LPP: variants seen among roughly 807,000 people sequenced by gnomAD.
The protein encoded by LPP is LIM domain containing preferred translocation partner in lipoma, also known as lipoma-preferred partner.
In LPP, 38 loss-of-function variants were observed where a neutral mutation model predicts 60.4. That is an observed-to-expected ratio of 0.63 (90% CI 0.49 to 0.83). The LOEUF is 0.83. Among genes scored for constraint, LPP ranks in the 40% least tolerant of loss-of-function variants. LPP has a pLI of 0.00. For missense variants in LPP, 902 were observed against 783.6 expected (o/e 1.15, Z -1.80); for synonymous variants, 328 against 290.8 (o/e 1.13, Z -1.30).
intron 7 of LPP, among the ~76,000 whole-genome samples, chr3:188,679,869 T>C (rs1272016674): frequency 6.6e-6 from 1 of 152,194 alleles, no homozygotes; most frequent in Non-Finnish European, 1.5e-5. Context: ...TGAAACTCAG[T>C]AATTTTTTCC....
chr3:188,495,064 T>TTTATATATATATATATATATATATATA (rs1430620373), intron 5 of LPP, among the ~76,000 whole-genome samples: 1 of 53,880 alleles, frequency 1.9e-5, no homozygotes, highest in African/African-American at 7.0e-5. Flanking sequence ...GTTCAGGATT[T>TTTATATATATATATATATATATATATA]TATATATATA....
chr3:188,809,480 C>G (rs1368851701), intron 9 of LPP, among the ~76,000 whole-genome samples: 1 of 152,070 alleles, frequency 6.6e-6, no homozygotes, highest in African/African-American at 2.4e-5. Context: ...TAAATGTCTT[C>G]TTTTGAGAAG....
intron 7 of LPP, among the ~76,000 whole-genome samples, chr3:188,703,879 T>C (rs1322557364): frequency 1.3e-5 from 2 of 152,190 alleles, no homozygotes; most frequent in African/African-American, 4.8e-5. Context: ...CTTAGATTTA[T>C]AAAGGACAGG....
At chr3:188,307,892 G>A (rs1752052645) in intron 2 of LPP, among the ~76,000 whole-genome samples, 1 of 152,112 alleles carries the variant, frequency 6.6e-6, no homozygotes, top group African/African-American at 2.4e-5. Context: ...GGCATTTTTG[G>A]TCACCTGCAC....
intron 1 of LPP, among the ~76,000 whole-genome samples, chr3:188,163,355 A>G (rs1467583881): frequency 1.3e-5 from 2 of 152,086 alleles, no homozygotes; most frequent in African/African-American, 2.4e-5. Flanking sequence ...GGATGCTTTG[A>G]CCTGCCTCCA....
At chr3:188,250,788 GTCTTTC>G (rs1229511980) in intron 2 of LPP, among the ~76,000 whole-genome samples, 4 of 48,072 alleles carry the variant, frequency 8.3e-5, no homozygotes, top group African/African-American at 2.8e-4. Context: ...CTTTCTTTCT[GTCTTTC>G]TCTTTCTTTC....
At chr3:188,540,834 T>A (rs1005281598) in intron 6 of LPP, among the ~76,000 whole-genome samples, 3 of 152,232 alleles carry the variant, frequency 2.0e-5, no homozygotes, top group African/African-American at 7.2e-5. Context: ...CCCATCCAAC[T>A]CTCTGAAATA....
rs140807613 is a variant in LPP at position 188,246,216 on chromosome 3, T to A, written c.-67+20689T>A. Among the ~76,000 whole-genome samples, 479 of 152,174 alleles carry A rather than the reference T, an allele frequency of 3.1e-3. 6 individuals are homozygous for A. Among genetic ancestry groups the A allele is most frequent in the East Asian group, 5.8e-3 (30 of 5,188 alleles). ...TTTTTTTTCTTTCATTAACATTAAA[T>A]CTCTGGTACCTGAGAACATTGGGAT... On this transcript the variant is annotated intron_variant, in intron 2 of 11. Transcript: ENST00000617246.
intron 3 of LPP, among the ~76,000 whole-genome samples, chr3:188,377,988 C>G (rs1775691072): frequency 6.6e-6 from 1 of 152,168 alleles, no homozygotes. Context: ...CCCTGTTTGT[C>G]TAAGTATCAG....
chr3:188,161,187 AT>A (rs1027481965), intron 1 of LPP, among the ~76,000 whole-genome samples: 6 of 152,164 alleles, frequency 3.9e-5, no homozygotes, highest in African/African-American at 1.4e-4. Flanking sequence ...TTATTATTAT[AT>A]TTTGAGCAAA....
chr3:188,495,064 T>TTATATATATATATATATATATATATA (rs1192152538), intron 5 of LPP, among the ~76,000 whole-genome samples: 1,025 of 53,624 alleles, frequency 0.019, 52 homozygotes, highest in East Asian at 0.032. Context: ...GTTCAGGATT[T>TTATATATATATATATATATATATATA]TATATATATA....
At chr3:188,191,790 C>T (rs756459945) in intron 1 of LPP, among the ~76,000 whole-genome samples, 6 of 152,166 alleles carry the variant, frequency 3.9e-5, no homozygotes, top group Admixed American at 6.5e-5. Context: ...CAAGGAGCAT[C>T]TTTTCCAGCA....
chr3:188,653,986 T>A (rs930916635), intron 7 of LPP, among the ~76,000 whole-genome samples: 4 of 152,204 alleles, frequency 2.6e-5, no homozygotes, highest in Non-Finnish European at 5.9e-5. Context: ...CATGCCAGCA[T>A]CCCTTGTCCG....
rs1336476244 is a variant in LPP at position 188,209,969 on chromosome 3, C to T, written c.-189-15436C>T. On this transcript the variant is annotated intron_variant, in intron 1 of 11. Transcript: ENST00000617246. ...GTGGTCAGGAGAACAACCAGAGTGA[C>T]TGTGGGATGAGGTCTTGGATAGCTT... 3.3e-5 allele frequency among the ~76,000 whole-genome samples: 5 copies of T among 151,900 alleles called. No individual in the cohort carries two copies. In the South Asian group the frequency reaches 6.2e-4, roughly 19 times the overall value.
At chr3:188,833,731 C>T (rs1423542026) in intron 9 of LPP, among the ~76,000 whole-genome samples, 1 of 152,032 alleles carries the variant, frequency 6.6e-6, no homozygotes. Flanking sequence ...TCCCTACAAC[C>T]ACGAACCACC....
intron 2 of LPP, among the ~76,000 whole-genome samples, chr3:188,244,581 T>A (rs1393247864): frequency 1.3e-5 from 2 of 152,212 alleles, no homozygotes; most frequent in African/African-American, 2.4e-5. Context: ...GTCAGAATAC[T>A]CCCTAGGGAC....
At chr3:188,250,766 CTTTCTTTCTTTCTTTCTTTCTG>C (rs1728978852) in intron 2 of LPP, among the ~76,000 whole-genome samples, 1 of 121,828 alleles carries the variant, frequency 8.2e-6, no homozygotes, top group African/African-American at 3.4e-5. Context: ...TTCTTTCTTT[CTTTCTTTCTTTCTTTCTTTCTG>C]TCTTTCTCTT....
intron 4 of LPP, among the ~76,000 whole-genome samples, chr3:188,439,333 C>T (rs530446500): frequency 2.6e-5 from 4 of 152,202 alleles, no homozygotes; most frequent in African/African-American, 7.2e-5. Flanking sequence ...ACAAAATCAG[C>T]GACTTCTGCA....
At chr3:188,658,922 C>T (rs967154969) in intron 7 of LPP, among the ~76,000 whole-genome samples, 1 of 152,158 alleles carries the variant, frequency 6.6e-6, no homozygotes, top group Non-Finnish European at 1.5e-5. Context: ...TTCCACACAA[C>T]ACTTAGGTTT....
Sources: gnomAD v4.1 joint callset for allele counts (sites outside exome capture counted in the v4.1 genomes callset) on GRCh38, gnomAD v4.1.1 for gene constraint, MANE v1.5 for transcripts, NCBI Gene and HGNC (gene_info 2026-07-23, HGNC 2026-07-21) for gene names.